PDK2: variants seen among roughly 807,000 people sequenced by gnomAD.
The protein encoded by PDK2 is pyruvate dehydrogenase kinase, isozyme 2.
Under a neutral mutation model 50.4 loss-of-function variants are expected in PDK2, and 34 were observed. The ratio of observed to expected loss-of-function variants is 0.68; its 90% CI spans 0.51 to 0.90. The LOEUF is 0.90. PDK2 is among the 40% of genes least tolerant of loss of function. PDK2 has a pLI of 0.00. For synonymous variants in PDK2, 232 were observed against 216.0 expected (o/e 1.07, Z -0.65); for missense variants, 377 against 544.5 (o/e 0.69, Z 3.06).
rs148586321 is a variant in PDK2 at position 50,108,622 on chromosome 17, G to A, written c.872G>A (p.Arg291Gln). 4.9e-4 allele frequency: 794 copies of A among 1,611,360 alleles called. 5 individuals are homozygous for A. Among genetic ancestry groups the A allele is most frequent in the Non-Finnish European group, 5.5e-4 (647 of 1,178,726 alleles). The stretch of plus-strand genomic sequence containing the variant: ...TCCCATCTCTCCCAGATGAGTGACC[G>A]AGGTGGGGGTGTTCCCTTGAGGAAG... ...EEDLSIKMSD[R>Q]GGGVPLRKIE... The change falls in exon 9 of 11, where the codon CGA (arginine) becomes CAA (glutamine). Residue 291 changes from arginine (R) to glutamine (Q), a missense_variant. Transcript: ENST00000503176.
chr17:50,110,181 G>A lies in PDK2; in HGVS notation c.*84G>A, dbSNP rs1910758528. 1 of 1,421,768 alleles carries A rather than the reference G, an allele frequency of 7.0e-7. No individual in the cohort carries two copies. The highest frequency in any genetic ancestry group is 9.4e-7 in the Non-Finnish European group (1 of 1,065,708). The allele number at this position is 1,421,768 out of a possible 1,614,324, so 88.1% of individuals were successfully genotyped here. A position where few individuals can be genotyped will look rare whatever the true frequency, so the allele number is the denominator to read the frequency against. On this transcript the variant is annotated 3_prime_UTR_variant, in exon 11 of 11. Transcript: ENST00000503176. ...TGGTGCCCCTCACCATCCTCCTGGG[G>A]GAGCAGGGGGTGGGTTCTCCCTGAT...
intron 6 of PDK2, 132 bp from the exon 7 acceptor site, chr17:50,108,024 C>G: frequency 1.4e-6 from 1 of 705,662 alleles, no homozygotes; most frequent in Non-Finnish European, 2.5e-6. Flanking sequence ...TCAAGGGAGG[C>G]TGGGGATTTA....
intron 2 of PDK2, among the ~76,000 whole-genome samples, chr17:50,100,104 A>G (rs902296517): frequency 6.6e-6 from 1 of 152,214 alleles, no homozygotes; most frequent in Non-Finnish European, 1.5e-5. Flanking sequence ...GAGGGCCTCT[A>G]GCCTGAGTTT....
chr17:50,104,411 C>G (rs3785918), intron 2 of PDK2: 10,819 of 152,320 alleles, frequency 0.071, 779 homozygotes, highest in East Asian at 0.38. Flanking sequence ...CCACCATGCC[C>G]AGCTAATTTT....
intron 1 of PDK2, 120 bp downstream of exon 1, chr17:50,095,673 A>G: frequency 6.7e-7 from 1 of 1,481,612 alleles, no homozygotes; most frequent in Non-Finnish European, 9.0e-7. Context: ...GGTTGTTTGG[A>G]AAGGTACAGG....
rs1441040625 is a variant in PDK2, at chr17:50,107,045, C to T, written c.608-31C>T. On this transcript the variant is annotated intron_variant, in intron 5 of 10. Coordinates refer to ENST00000503176, the MANE Select transcript of PDK2 (RefSeq NM_002611.5). ...GAGGACTGCCTGCTGGGTGGGCCAC[C>T]CATGCCCTGAATGACCCCATCTTCT... 3 of 1,599,422 alleles carry T rather than the reference C, an allele frequency of 1.9e-6. No individual in the cohort carries two copies. The South Asian group carries it at 3.3e-5, about 18-fold the overall frequency.
rs1338929067 is a variant in PDK2 at position 50,095,387 on chromosome 17, G to A, written c.-49G>A. The A allele has an allele frequency of 1.4e-5, 19 of 1,404,084 alleles. No homozygotes were observed. The African/African-American group carries it at 1.7e-4, about 13-fold the overall frequency. 87.0% of individuals were successfully genotyped at this position (1,404,084 alleles called of 1,614,324 possible). A position where few individuals can be genotyped will look rare whatever the true frequency, so the allele number is the denominator to read the frequency against. ...CGCGTCGCTGGGCCGAAAGGTGCGC[G>A]AGCGCTGCCCGCGCGGGGACCACAA... On this transcript the variant is annotated 5_prime_UTR_variant, in exon 1 of 11. Coordinates refer to ENST00000503176, the MANE Select transcript of PDK2 (RefSeq NM_002611.5).
At chr17:50,097,787 C>T (rs56280311) in intron 2 of PDK2, 54,961 of 490,688 alleles carry the variant, frequency 0.11, 3,859 homozygotes, top group Non-Finnish European at 0.14. Context: ...CCTCTTCTTA[C>T]CACCCACCTT....
chr17:50,095,940 G>A (rs1909915212), intron 1 of PDK2: 2 of 505,576 alleles, frequency 4.0e-6, no homozygotes, highest in South Asian at 6.2e-5. Flanking sequence ...GAGGAAACCG[G>A]GGGTCTGCTG....
chr17:50,108,850 C>T lies in PDK2; in HGVS notation c.969+131C>T, dbSNP rs1302305532. On this transcript the variant is annotated intron_variant, in intron 9 of 10. Coordinates refer to ENST00000503176, the MANE Select transcript of PDK2 (RefSeq NM_002611.5). ...CAGTCACCTGTCTTGAATCTGGGCC[C>T]CCGCACCTCCCACATCTCCCCAGTC... The T allele has an allele frequency of 3.0e-5, 19 of 636,414 alleles. No individual in the cohort carries two copies. The Admixed American group carries it at 4.5e-4, about 15-fold the overall frequency. The allele number at this position is 636,414 out of a possible 1,614,324, so 39.4% of individuals were successfully genotyped here.
At chr17:50,095,314 G>C, upstream of PDK2, 1 of 633,704 alleles carries the variant, frequency 1.6e-6, no homozygotes, top group South Asian at 2.1e-5. Context: ...CGATTGGCTG[G>C]GCGTTGGAAT....
chr17:50,095,271 G>C (rs1242385345), upstream of PDK2: 3 of 566,646 alleles, frequency 5.3e-6, no homozygotes, highest in African/African-American at 5.9e-5. Context: ...GTTTGTGAGT[G>C]GCCATTGGCG....
chr17:50,105,234 TAGTG>T, intron 2 of PDK2, 133 bp from the exon 3 acceptor site: 1 of 503,010 alleles, frequency 2.0e-6, no homozygotes, highest in African/African-American at 2.0e-5. Context: ...TGGAGAAAAA[TAGTG>T]AGGCGGCTTG....
intron 3 of PDK2, 31 bp downstream of exon 3, chr17:50,105,473 G>A: frequency 6.3e-7 from 1 of 1,594,150 alleles, no homozygotes; most frequent in East Asian, 2.2e-5. Context: ...GGGCAGGAAG[G>A]CAGGTGTTGG....
Position 50,108,426 on chromosome 17 carries a change from C to T in PDK2, c.861+9C>T. 13 of 1,603,986 alleles carry T rather than the reference C, an allele frequency of 8.1e-6. No individual in the cohort carries two copies. The highest frequency in any genetic ancestry group is 1.3e-5 in the African/African-American group (1 of 74,804). ...AAGATCTGTCCATCAAGGTATGTGA[C>T]CCTTTGACCTTGGGGACCAGGGAGC... On this transcript the variant is annotated intron_variant, in intron 8 of 10. Transcript: ENST00000503176.
At chr17:50,106,450 G>T in intron 4 of PDK2, 1 of 454,134 alleles carries the variant, frequency 2.2e-6, no homozygotes, top group Non-Finnish European at 3.9e-6. Flanking sequence ...AATTAAACAA[G>T]TTCCTCATGC....
rs1454900720 is a variant in PDK2 at position 50,106,061 on chromosome 17, A to G, written c.509A>G (p.Asn170Ser). 3 of 1,600,628 alleles carry G rather than the reference A, an allele frequency of 1.9e-6. No homozygotes were observed. Among genetic ancestry groups the G allele is most frequent in the Non-Finnish European group, 2.6e-6 (3 of 1,173,546 alleles). Residue 170 changes from asparagine to serine, a missense_variant, in exon 4 of 11, where the codon AAC becomes AGC. This residue lies in a region of PDK2 where 63 missense variants were observed against 135.1 expected (regional missense o/e 0.47). Coordinates refer to ENST00000503176, the MANE Select transcript of PDK2 (RefSeq NM_002611.5). ...LSRISIRMLI[N>S]QHTLIFDGST... ...CGCATCTCCATCCGCATGCTCATCA[A>G]CCAGCACAGTGGGTGCCGGCCACAG...
At chr17:50,106,727 C>G in intron 4 of PDK2, 67 bp from the exon 5 acceptor site, 2 of 1,340,272 alleles carry the variant, frequency 1.5e-6, no homozygotes, top group African/African-American at 1.4e-5. Flanking sequence ...GAGGAAAGCC[C>G]GGGGGAAGAG....
intron 1 of PDK2, 120 bp from the exon 2 acceptor site, chr17:50,097,303 C>T: frequency 1.0e-6 from 1 of 982,084 alleles, no homozygotes; most frequent in East Asian, 2.6e-5. Context: ...GCTGTGTGCC[C>T]CGGGCAGGTC....
Sources: gnomAD v4.1 joint callset for allele counts (sites outside exome capture counted in the v4.1 genomes callset) on GRCh38, gnomAD v4.1.1 for gene constraint, gnomAD v4.1.1 regional missense constraint, MANE v1.5 for transcripts, NCBI Gene and HGNC (gene_info 2026-07-23, HGNC 2026-07-21) for gene names.